The following CAMSAP1 variants were observed in gnomAD, a reference collection of about 807,000 sequenced individuals.
CAMSAP1 encodes calmodulin regulated spectrin associated protein 1.
In CAMSAP1, 58 loss-of-function variants were observed where a neutral mutation model predicts 143.5. The ratio of observed to expected loss-of-function variants is 0.40; its 90% confidence interval spans 0.33 to 0.50. CAMSAP1 has a LOEUF of 0.50. Ranked by LOEUF, CAMSAP1 falls within the 20% of genes least tolerant of loss-of-function variation. The pLI, the probability that CAMSAP1 is intolerant of heterozygous loss-of-function variation, is 0.45. For synonymous variants in CAMSAP1, 945 were observed against 859.3 expected (o/e 1.10, Z -1.74); for missense variants, 1,969 against 2,115.7 (o/e 0.93, Z 1.36).
chr9:135,811,933 A>G lies in CAMSAP1; in HGVS notation c.4507-322T>C, dbSNP rs1564411912. On this transcript the variant is annotated intron_variant, in intron 16 of 16. Transcript: ENST00000389532. This position sits in a 1 kb window ranked among gnomAD's most constrained non-coding sequence, Gnocchi z 4.9. ...AAAGAGACGTCGCGTCATGCCCACA[A>G]GGACGGCTGGAACCCAGAAGCAGGG... 1.3e-5 allele frequency among the ~76,000 whole-genome samples: 2 copies of G among 152,244 alleles called. No individual in the cohort carries two copies. Among genetic ancestry groups the G allele is most frequent in the African/African-American group, 2.4e-5 (1 of 41,474 alleles).
At position 135,819,048 on chromosome 9, in the gene CAMSAP1, C is replaced by T; in HGVS notation, c.3921G>A (p.Gln1307=). 2 of 1,606,990 alleles carry T rather than the reference C, an allele frequency of 1.2e-6. No individual in the cohort carries two copies. Among genetic ancestry groups the T allele is most frequent in the Non-Finnish European group, 1.7e-6 (2 of 1,178,590 alleles). Residue 1307 remains glutamine (Q), a synonymous_variant, in exon 12 of 17, where the codon CAG becomes CAA. Coordinates refer to ENST00000389532, the MANE Select transcript of CAMSAP1 (RefSeq NM_015447.4). ...KAEEARVRKQ[Q]LEAEVELKRD... ...GCTTGAGCTCCACCTCCGCTTCCAG[C>T]TGCTGCTTGCGCACGCGGGCCTCCT...
At position 135,818,761 on chromosome 9, in the gene CAMSAP1, G is replaced by A. The variant is rs1835334280; in HGVS notation, c.3960-145C>T. 2.6e-6 allele frequency: 3 copies of A among 1,153,328 alleles called. No individual in the cohort carries two copies. The highest frequency in any genetic ancestry group is 2.5e-5 in the Admixed American group (1 of 39,654). 71.4% of individuals were successfully genotyped at this position (1,153,328 alleles called of 1,614,324 possible). A position where few individuals can be genotyped will look rare whatever the true frequency, so the allele number is the denominator to read the frequency against. ...GGCCAGCCTCCACAAGCGGGACACAGAGGCTGCAAAGGCAGTCCTGCAGAT... is the reference window on the plus strand; with the variant it reads ...GGCCAGCCTCCACAAGCGGGACACAAAGGCTGCAAAGGCAGTCCTGCAGAT... On this transcript the variant is annotated intron_variant, in intron 12 of 16. Coordinates refer to ENST00000389532, the MANE Select transcript of CAMSAP1 (RefSeq NM_015447.4). The surrounding 1 kb of genome is among the most constrained non-coding windows in gnomAD (Gnocchi z 7.7).
intron 1 of CAMSAP1, among the ~76,000 whole-genome samples, chr9:135,884,226 G>A (rs140787651): frequency 1.0e-3 from 159 of 152,178 alleles, no homozygotes; most frequent in African/African-American, 3.7e-3. Context: ...GACTCCTAGC[G>A]TTCAGACAAC....
intron 1 of CAMSAP1, among the ~76,000 whole-genome samples, chr9:135,900,787 C>T (rs1838595119): frequency 6.6e-6 from 1 of 152,126 alleles, no homozygotes. Flanking sequence ...CAGGGTTTCA[C>T]TCTGTTGCCC....
rs756192270 is a variant in CAMSAP1 at position 135,827,615 on chromosome 9, T to TA, written c.1046-32dup. On this transcript the variant is annotated intron_variant, in intron 7 of 16. Coordinates refer to ENST00000389532, the MANE Select transcript of CAMSAP1 (RefSeq NM_015447.4). ...GAAATAGCGTTTTTGCATCGTTACTTACAACACTAACTGGAAGCACAGAAA... is the reference window on the plus strand; with the variant it reads ...GAAATAGCGTTTTTGCATCGTTACTTAACAACACTAACTGGAAGCACAGAAA... 9 of 1,524,946 alleles carry TA rather than the reference T, an allele frequency of 5.9e-6. No homozygotes were observed. The South Asian group carries it at 9.9e-5, about 17-fold the overall frequency. The allele number at this position is 1,524,946 out of a possible 1,614,324, so 94.5% of individuals were successfully genotyped here. A position where few individuals can be genotyped will look rare whatever the true frequency, so the allele number is the denominator to read the frequency against.
intron 5 of CAMSAP1, among the ~76,000 whole-genome samples, chr9:135,853,873 A>G (rs1836863226): frequency 6.6e-6 from 1 of 152,264 alleles, no homozygotes; most frequent in Non-Finnish European, 1.5e-5. Flanking sequence ...TCAAGTCCCT[A>G]TGAGGCCCAG....
chr9:135,818,200 C>T lies in CAMSAP1; in HGVS notation c.4169-121G>A, dbSNP rs756004303. ...CTCGGCCACACAGGCCGCGTCCCCA[C>T]CCCATCCCGGGGAGCCGGGCTGCGC... is the stretch of plus-strand genomic sequence containing the variant. On this transcript the variant is annotated intron_variant, in intron 13 of 16. Transcript: ENST00000389532. This position sits in a 1 kb window ranked among gnomAD's most constrained non-coding sequence, Gnocchi z 7.7. 1 of 1,199,082 alleles carries T rather than the reference C, an allele frequency of 8.3e-7. No individual in the cohort carries two copies. The highest frequency in any genetic ancestry group is 1.2e-6 in the Non-Finnish European group (1 of 853,538). The allele number at this position is 1,199,082 out of a possible 1,614,324, so 74.3% of individuals were successfully genotyped here.
intron 3 of CAMSAP1, among the ~76,000 whole-genome samples, chr9:135,869,082 T>C (rs1253570448): frequency 6.6e-6 from 1 of 152,142 alleles, no homozygotes; most frequent in Non-Finnish European, 1.5e-5. Context: ...GAACTAGAAA[T>C]GGTTACTATA....
Position 135,823,178 on chromosome 9 carries a change from A to G in CAMSAP1, c.1483T>C (p.Leu495=), listed in dbSNP as rs1184379879. The change falls in exon 11 of 17, where the codon TTG becomes CTG. Residue 495 remains leucine, a synonymous_variant. Coordinates refer to ENST00000389532, the MANE Select transcript of CAMSAP1 (RefSeq NM_015447.4). ...VDPSSGDSIS[L]ARSISKDSLA... is the part of the protein sequence containing the mutation. ...CTGTCTTTGCTGATGGAGCGGGCCA[A>G]GCTGATGCTGTCGCCAGAGCTGGGA... 1 of 1,603,570 alleles carries G rather than the reference A, an allele frequency of 6.2e-7. No individual in the cohort carries two copies. Among genetic ancestry groups the G allele is most frequent in the East Asian group, 2.2e-5 (1 of 44,708 alleles).
intron 14 of CAMSAP1, among the ~76,000 whole-genome samples, chr9:135,816,753 T>C (rs1377120778): frequency 1.3e-5 from 2 of 152,198 alleles, no homozygotes; most frequent in East Asian, 3.9e-4. Context: ...AGCCACACGC[T>C]GTGCATATAA....
chr9:135,822,731 G>C lies in CAMSAP1; in HGVS notation c.1930C>G (p.Arg644Gly). ...PLVRRKMTGS[R>G]DLNRTFTPIP... ...GGGGTAAAAGTCCTATTCAAGTCGC[G>C]ACTGCCAGTCATTTTCCTTCGTACC... Residue 644 changes from arginine (R) to glycine (G), a missense_variant, in exon 11 of 17, where the codon CGC (arginine) becomes GGC (glycine). By Grantham distance (125) the Arg-to-Gly change is moderately radical. Coordinates refer to ENST00000389532, the MANE Select transcript of CAMSAP1 (RefSeq NM_015447.4). This position sits in a 1 kb window ranked among gnomAD's most constrained non-coding sequence, Gnocchi z 6.1. 2 of 1,612,540 alleles carry C rather than the reference G, an allele frequency of 1.2e-6. No individual in the cohort carries two copies. The highest frequency in any genetic ancestry group is 3.3e-5 in the Admixed American group (2 of 59,854).
intron 1 of CAMSAP1, among the ~76,000 whole-genome samples, chr9:135,903,733 C>G (rs1195523736): frequency 6.6e-6 from 1 of 152,202 alleles, no homozygotes; most frequent in East Asian, 1.9e-4. Context: ...CATCATACCC[C>G]CAAAAGCGAT....
chr9:135,880,031 T>C (rs568908733), intron 3 of CAMSAP1, among the ~76,000 whole-genome samples: 3 of 152,174 alleles, frequency 2.0e-5, no homozygotes, highest in Non-Finnish European at 4.4e-5. Context: ...TCATAGGTGA[T>C]AAGATTACGG....
rs1225329819 is a variant in CAMSAP1, at chr9:135,822,984, G to C, written c.1677C>G (p.Phe559Leu). 6.2e-7 allele frequency: 1 copy of C among 1,613,968 alleles called. No individual in the cohort carries two copies. Among genetic ancestry groups the C allele is most frequent in the African/African-American group, 1.3e-5 (1 of 75,030 alleles). Residue 559 changes from phenylalanine (F) to leucine (L), a missense_variant, in exon 11 of 17, where the codon TTC becomes TTG. Phe to Leu is a conservative substitution (Grantham distance 22). Around this residue, in one of 4 missense-constraint regions of CAMSAP1, gnomAD observed 1,390 missense variants for 1,420.8 expected, o/e 0.98. Transcript: ENST00000389532. This position sits in a 1 kb window ranked among gnomAD's most constrained non-coding sequence, Gnocchi z 6.1. ...DVVPQQADPE[F>L]PRASPRALGL... ...CTAAGGCCCGGGGTGAGGCCCTGGG[G>C]AACTCCGGGTCAGCCTGCTGGGGAA...
chr9:135,826,673 T>C lies in CAMSAP1; in HGVS notation c.1223+734A>G, dbSNP rs982449053. ...TTTTAAATAGCGTCTTCATCTTAAA[T>C]CCCAACTTAAATCGCCACATGTTAA... On this transcript the variant is annotated intron_variant, in intron 8 of 16. Coordinates refer to ENST00000389532, the MANE Select transcript of CAMSAP1 (RefSeq NM_015447.4). The surrounding 1 kb of genome is among the most constrained non-coding windows in gnomAD (Gnocchi z 4.4). 2.0e-5 allele frequency among the ~76,000 whole-genome samples: 3 copies of C among 152,210 alleles called. No homozygotes were observed.
In CAMSAP1 at chr9:135,822,840, C is replaced by G; in HGVS notation, c.1821G>C (p.Gln607His). 6.2e-7 allele frequency: 1 copy of G among 1,614,022 alleles called. No homozygotes were observed. Among genetic ancestry groups the G allele is most frequent in the Non-Finnish European group, 8.5e-7 (1 of 1,179,904 alleles). Residue 607 changes from glutamine (Q) to histidine (H), a missense_variant, in exon 11 of 17, where the codon CAG (glutamine) becomes CAC (histidine). This residue lies in a region of CAMSAP1 where 1,390 missense variants were observed against 1,420.8 expected (regional missense o/e 0.98). Transcript: ENST00000389532. The surrounding 1 kb of genome is among the most constrained non-coding windows in gnomAD (Gnocchi z 6.1). ...CCCGTTCATCCTCCTTGGTGATCAC[C>G]TGCTTCTCTTTCGCTGGCTTAAGAA... ...PAVLKPAKEKQVITKEDERGE... is the reference protein window; with the variant it reads ...PAVLKPAKEKHVITKEDERGE...
chr9:135,829,280 C>T (rs1835775165), intron 7 of CAMSAP1, among the ~76,000 whole-genome samples: 1 of 150,448 alleles, frequency 6.6e-6, no homozygotes, highest in Non-Finnish European at 1.5e-5. Flanking sequence ...GGTGGGAAGA[C>T]CACTTCAGCT....
At chr9:135,902,731 T>C (rs1338149909) in intron 1 of CAMSAP1, among the ~76,000 whole-genome samples, 1 of 151,862 alleles carries the variant, frequency 6.6e-6, no homozygotes, top group Non-Finnish European at 1.5e-5. Context: ...CATAACATGG[T>C]TTCCAAATCA....
At position 135,881,659 on chromosome 9, in the gene CAMSAP1, C is replaced by A; in HGVS notation, c.559G>T (p.Asp187Tyr). ...TTGTTGATCCAGAACACCATGGCAT[C>A]CTCGAGGTCGTACGGAAGTTCTTTC... ...ASKELPYDLE[D>Y]AMVFWINKVN... Residue 187 changes from aspartate (D) to tyrosine (Y), a missense_variant, in exon 3 of 17, where the codon GAT becomes TAT. Coordinates refer to ENST00000389532, the MANE Select transcript of CAMSAP1 (RefSeq NM_015447.4). 1 of 1,551,724 alleles carries A rather than the reference C, an allele frequency of 6.4e-7. No homozygotes were observed. Among genetic ancestry groups the A allele is most frequent in the Non-Finnish European group, 8.7e-7 (1 of 1,147,004 alleles).
Sources: gnomAD v4.1 joint callset for allele counts (sites outside exome capture counted in the v4.1 genomes callset) on GRCh38, gnomAD v4.1.1 for gene constraint, gnomAD v4.1.1 regional missense constraint, Gnocchi (gnomAD v3.1) non-coding constraint, MANE v1.5 for transcripts, NCBI Gene and HGNC (gene_info 2026-07-23, HGNC 2026-07-21) for gene names.